Variants in ENTPD1 observed in about 807,000 individuals in gnomAD.
The protein encoded by ENTPD1 is ATP diphosphohydrolase.
In ENTPD1, 33 loss-of-function variants were observed where a neutral mutation model predicts 57.0. That is an observed-to-expected ratio of 0.58 (90% CI 0.44 to 0.77). ENTPD1 has a LOEUF of 0.77. ENTPD1 is among the 30% of genes least tolerant of loss of function. The pLI is 0.00. For synonymous variants in ENTPD1, 202 were observed against 218.8 expected (o/e 0.92, Z 0.68); for missense variants, 501 against 603.4 (o/e 0.83, Z 1.78).
intron 7 of ENTPD1, among the ~76,000 whole-genome samples, chr10:95,848,702 C>T (rs1168083317): frequency 6.6e-6 from 1 of 152,196 alleles, no homozygotes; most frequent in African/African-American, 2.4e-5. Flanking sequence ...ACATCTCTTG[C>T]ACACACATTT....
At chr10:95,750,085 C>T (rs2098010129) in intron 1 of ENTPD1, among the ~76,000 whole-genome samples, 1 of 152,072 alleles carries the variant, frequency 6.6e-6, no homozygotes, top group Non-Finnish European at 1.5e-5. Context: ...AAGGATTAGA[C>T]TTGGATTGTA....
At chr10:95,745,170 T>A (rs7918339) in intron 1 of ENTPD1, among the ~76,000 whole-genome samples, 40,868 of 151,988 alleles carry the variant, frequency 0.27, 6,334 homozygotes, top group Admixed American at 0.38. Context: ...AGCAATAACA[T>A]CTTACTTTTT....
the ENTPD1 span, among the ~76,000 whole-genome samples, chr10:95,696,894 C>T: frequency 6.6e-6 from 1 of 152,156 alleles, no homozygotes; most frequent in African/African-American, 2.4e-5. Flanking sequence ...CAAGTTCTGT[C>T]CTTTTCCCAC....
the ENTPD1 span, among the ~76,000 whole-genome samples, chr10:95,705,188 T>C: frequency 6.6e-6 from 1 of 152,150 alleles, no homozygotes; most frequent in Non-Finnish European, 1.5e-5. Flanking sequence ...GGCTACCATT[T>C]ACTGTTGGGC....
chr10:95,829,049 G>A (rs2098388173), intron 2 of ENTPD1, among the ~76,000 whole-genome samples: 1 of 152,164 alleles, frequency 6.6e-6, no homozygotes, highest in Non-Finnish European at 1.5e-5. Context: ...AGCCTTAGAT[G>A]TTCTCTCACC....
chr10:95,719,175 T>A lies in ENTPD1; in HGVS notation c.37+7182T>A, dbSNP rs1408007138. ...GCCAACCTTTTGCCACTACATCAAT[T>A]TCCTTACTTAGGTAAGCCATGGGTT... On this transcript the variant is annotated intron_variant, in intron 1 of 9. Coordinates refer to the ENTPD1 transcript ENST00000453258. Among the ~76,000 whole-genome samples the A allele has an allele frequency of 2.0e-5, 3 of 152,196 alleles. 1 individual carries two copies. The highest frequency in any genetic ancestry group is 2.9e-5 in the Non-Finnish European group (2 of 68,034).
upstream of ENTPD1, chr10:95,755,968 G>C: frequency 1.4e-6 from 2 of 1,464,198 alleles, no homozygotes; most frequent in Non-Finnish European, 1.8e-6. Flanking sequence ...CTTCAAGGAT[G>C]CAAAAAATTA....
Position 95,866,631 on chromosome 10 carries a change from G to A in ENTPD1, c.*248G>A. The A allele has an allele frequency of 1.5e-6, 2 of 1,342,658 alleles. No homozygotes were observed. Among genetic ancestry groups the A allele is most frequent in the South Asian group, 3.1e-5 (2 of 64,670 alleles). 83.2% of individuals were successfully genotyped at this position (1,342,658 alleles called of 1,614,324 possible). ...GCTACACCTTTCTCCTTTGTACTTTGTGCTTGTATAGGTTTTAAAGACCTG... is the reference window on the plus strand; with the variant it reads ...GCTACACCTTTCTCCTTTGTACTTTATGCTTGTATAGGTTTTAAAGACCTG... On this transcript the variant is annotated 3_prime_UTR_variant, in exon 10 of 10. Coordinates refer to ENST00000371205, the MANE Select transcript of ENTPD1 (RefSeq NM_001776.6).
At chr10:95,829,750 T>C (rs1467621455) in intron 2 of ENTPD1, among the ~76,000 whole-genome samples, 1 of 152,178 alleles carries the variant, frequency 6.6e-6, no homozygotes, top group East Asian at 1.9e-4. Context: ...TTAAGTGCTA[T>C]GGCTTGAATG....
intron 4 of ENTPD1, among the ~76,000 whole-genome samples, chr10:95,844,178 C>G (rs1239708441): frequency 1.3e-5 from 2 of 152,104 alleles, no homozygotes; most frequent in Non-Finnish European, 2.9e-5. Flanking sequence ...ATTTTAAGAG[C>G]CTTTGATAAC....
At chr10:95,757,731 G>A (rs897114456) in intron 1 of ENTPD1, among the ~76,000 whole-genome samples, 1 of 152,136 alleles carries the variant, frequency 6.6e-6, no homozygotes, top group Admixed American at 6.5e-5. Flanking sequence ...GGGGCTGGAT[G>A]TGGTGGCTCG....
rs1412136445 is a variant in ENTPD1 at position 95,866,623 on chromosome 10, T to C, written c.*240T>C. On this transcript the variant is annotated 3_prime_UTR_variant, in exon 10 of 10. Coordinates refer to ENST00000371205, the MANE Select transcript of ENTPD1 (RefSeq NM_001776.6). ...TTTTCCCAGCTACACCTTTCTCCTT[T>C]GTACTTTGTGCTTGTATAGGTTTTA... 7.4e-7 allele frequency: 1 copy of C among 1,358,222 alleles called. No individual in the cohort carries two copies. The highest frequency in any genetic ancestry group is 1.5e-5 in the African/African-American group (1 of 68,002). 84.1% of individuals were successfully genotyped at this position (1,358,222 alleles called of 1,614,324 possible).
chr10:95,873,712 G>A lies in ENTPD1; in HGVS notation c.*7329G>A, dbSNP rs539609935. 2.1e-5 allele frequency: 21 copies of A among 982,280 alleles called. No individual in the cohort carries two copies. In the South Asian group the frequency reaches 2.8e-4, roughly 13 times the overall value. 60.8% of individuals were successfully genotyped at this position (982,280 alleles called of 1,614,324 possible). Reference sequence around the variant, plus strand: ...TTAAAAACTATGATTGTATTAGTTCGTTTCCATGCTGCTGATAAAGACATA... The same window carrying A: ...TTAAAAACTATGATTGTATTAGTTCATTTCCATGCTGCTGATAAAGACATA... On this transcript the variant is annotated 3_prime_UTR_variant, in exon 10 of 10. Coordinates refer to ENST00000371205, the MANE Select transcript of ENTPD1 (RefSeq NM_001776.6).
At chr10:95,760,818 T>TTTTTTTTTTG (rs2098056456) in intron 1 of ENTPD1, among the ~76,000 whole-genome samples, 1 of 26,908 alleles carries the variant, frequency 3.7e-5, no homozygotes, top group Non-Finnish European at 7.9e-5. Flanking sequence ...TTTATTCTTT[T>TTTTTTTTTTG]TTTTTTTTTT....
At chr10:95,736,845 C>T (rs79435780) in intron 1 of ENTPD1, among the ~76,000 whole-genome samples, 4,844 of 152,292 alleles carry the variant, frequency 0.032, 103 homozygotes, top group South Asian at 0.08. Flanking sequence ...TCTTGACCCC[C>T]TCATCAGTAT....
chr10:95,758,002 CAAAAAAAAAAAAAAAAA>C (rs57407553), intron 1 of ENTPD1, among the ~76,000 whole-genome samples: 1 of 26,394 alleles, frequency 3.8e-5, no homozygotes, highest in Non-Finnish European at 8.5e-5. Flanking sequence ...GACACTGTCT[CAAAAAAAAAAAAAAAAA>C]AAAAAAAAAA....
chr10:95,713,726 G>A (rs1256247566), intron 1 of ENTPD1, among the ~76,000 whole-genome samples: 1 of 152,118 alleles, frequency 6.6e-6, no homozygotes, highest in East Asian at 1.9e-4. Context: ...GTTATTGATG[G>A]ACAAATGTCC....
chr10:95,808,332 G>A (rs533326415), intron 1 of ENTPD1, among the ~76,000 whole-genome samples: 1 of 152,284 alleles, frequency 6.6e-6, no homozygotes, highest in South Asian at 2.1e-4. Flanking sequence ...GTATTTTGTT[G>A]AGGATATTTG....
At chr10:95,778,607 TCTTTTAAC>T (rs2098143425) in intron 1 of ENTPD1, among the ~76,000 whole-genome samples, 1 of 152,224 alleles carries the variant, frequency 6.6e-6, no homozygotes. Context: ...CTCAACCTTA[TCTTTTAAC>T]CTTTTTGTTA....
Sources: allele counts gnomAD v4.1 joint callset (sites outside exome capture counted in the v4.1 genomes callset), GRCh38; gene constraint gnomAD v4.1.1; transcripts MANE v1.5; gene names NCBI Gene and HGNC (gene_info 2026-07-23, HGNC 2026-07-21).